SCN3A: variants seen among roughly 807,000 people sequenced by gnomAD.
SCN3A encodes sodium channel protein type 3 subunit alpha.
In SCN3A, 60 loss-of-function variants were observed where a neutral mutation model predicts 187.6. The ratio of observed to expected loss-of-function variants is 0.32; its 90% CI spans 0.26 to 0.40. The LOEUF is 0.40. Ranked by LOEUF, SCN3A falls within the 10% of genes least tolerant of loss-of-function variation. SCN3A has a pLI of 1.00. For missense variants in SCN3A, 1,601 were observed against 2,428.2 expected (o/e 0.66, Z 7.16); for synonymous variants, 788 against 829.2 (o/e 0.95, Z 0.85).
At chr2:165,147,880 A>G (rs775445522) in intron 11 of SCN3A, among the ~76,000 whole-genome samples, 10 of 152,190 alleles carry the variant, frequency 6.6e-5, no homozygotes, top group Non-Finnish European at 1.3e-4. Context: ...TGATCTAACA[A>G]TGACATACAG....
intron 9 of SCN3A, among the ~76,000 whole-genome samples, chr2:165,156,842 G>A (rs113484538): frequency 0.032 from 4,883 of 152,008 alleles, 253 homozygotes; most frequent in African/African-American, 0.1. Context: ...GCGAGCCACC[G>A]CACCCAGCCT....
At chr2:165,183,310 A>G (rs193211123) in intron 2 of SCN3A, among the ~76,000 whole-genome samples, 1 of 152,350 alleles carries the variant, frequency 6.6e-6, no homozygotes, top group East Asian at 1.9e-4. Flanking sequence ...AACACAAATT[A>G]TGACCTTTTC....
At chr2:165,167,120 C>G (rs1260341365) in intron 5 of SCN3A, among the ~76,000 whole-genome samples, 2 of 152,100 alleles carry the variant, frequency 1.3e-5, no homozygotes, top group East Asian at 3.9e-4. Flanking sequence ...AGGCTGGTCA[C>G]AAACTCCAAC....
intron 4 of SCN3A, 83 bp from the exon 5 acceptor site, chr2:165,168,908 A>G (rs1689941220): frequency 2.3e-6 from 2 of 876,450 alleles, no homozygotes; most frequent in Non-Finnish European, 3.8e-6. Context: ...AAGTTTATCG[A>G]TGCAAAAACT....
At chr2:165,201,848 A>G (rs1692341928) in intron 1 of SCN3A, among the ~76,000 whole-genome samples, 1 of 152,214 alleles carries the variant, frequency 6.6e-6, no homozygotes, top group East Asian at 1.9e-4. Context: ...TGAGAAACCA[A>G]CTGAAGAAAA....
At chr2:165,109,535 G>A (rs1311907800) in intron 21 of SCN3A, among the ~76,000 whole-genome samples, 1 of 151,984 alleles carries the variant, frequency 6.6e-6, no homozygotes, top group Non-Finnish European at 1.5e-5. Flanking sequence ...TTTGTTCACG[G>A]TGAAAGAAAA....
At chr2:165,138,632 C>T (rs1687811156) in intron 14 of SCN3A, among the ~76,000 whole-genome samples, 1 of 152,054 alleles carries the variant, frequency 6.6e-6, no homozygotes, top group Non-Finnish European at 1.5e-5. Flanking sequence ...AATTCAGACT[C>T]AAATCTACTT....
In SCN3A at chr2:165,092,297, G is replaced by C. The variant is rs564019672; in HGVS notation, c.4764C>G (p.Gly1588=). ...VSLRHYYFTI[G]WNIFDFVVVI... is the part of the protein sequence containing the mutation. Reference sequence around the variant, plus strand: ...CCACCACAAAGTCAAAGATGTTCCAGCCTATAGTGAAGTAGTAGTGTCTGA... The same window carrying C: ...CCACCACAAAGTCAAAGATGTTCCACCCTATAGTGAAGTAGTAGTGTCTGA... The change falls in exon 27 of 28, where the codon GGC becomes GGG. Residue 1588 remains glycine (G), a synonymous_variant. Coordinates refer to ENST00000283254, the MANE Select transcript of SCN3A (RefSeq NM_006922.4). The surrounding 1 kb of genome is among the most constrained non-coding windows in gnomAD (Gnocchi z 4.2). 5.0e-5 allele frequency: 80 copies of C among 1,613,946 alleles called. No individual in the cohort carries two copies. In the South Asian group the frequency reaches 7.6e-4, roughly 15 times the overall value.
intron 3 of SCN3A, among the ~76,000 whole-genome samples, chr2:165,171,842 T>C (rs1690120505): frequency 6.6e-6 from 1 of 152,138 alleles, no homozygotes. Flanking sequence ...AAAGAGCTTG[T>C]AATCTACTTT....
intron 1 of SCN3A, chr2:165,194,937 G>C (rs1476357886): frequency 2.6e-5 from 4 of 152,018 alleles, no homozygotes; most frequent in Non-Finnish European, 5.9e-5. Context: ...GCAAAGGACT[G>C]TGTGCACTGC....
At position 165,115,562 on chromosome 2, in the gene SCN3A, G is replaced by T; in HGVS notation, c.3407C>A (p.Thr1136Asn). The T allele has an allele frequency of 6.2e-7, 1 of 1,613,280 alleles. No individual in the cohort carries two copies. The highest frequency in any genetic ancestry group is 8.5e-7 in the Non-Finnish European group (1 of 1,179,748). ...LEESKEKLNA[T>N]SSSEGSTVDV... ...AACTGTGCTTCCTTCAGATGAGCTG[G>T]TTGCATTTAATTTCTGGAAACAAAA... Residue 1136 changes from threonine to asparagine, a missense_variant, in exon 19 of 28, where the codon ACC becomes AAC. Transcript: ENST00000283254.
chr2:165,111,811 A>G (rs1686133394), intron 21 of SCN3A, among the ~76,000 whole-genome samples: 1 of 152,158 alleles, frequency 6.6e-6, no homozygotes, highest in African/African-American at 2.4e-5. Context: ...ATTCATCTCT[A>G]TTATTAATGA....
At chr2:165,117,466 A>G (rs1686425547) in intron 18 of SCN3A, among the ~76,000 whole-genome samples, 1 of 152,126 alleles carries the variant, frequency 6.6e-6, no homozygotes, top group South Asian at 2.1e-4. Context: ...ATTCTCATAA[A>G]TATATGTACA....
At chr2:165,184,500 GAA>G (rs66514310) in intron 2 of SCN3A, among the ~76,000 whole-genome samples, 3,960 of 105,584 alleles carry the variant, frequency 0.038, 148 homozygotes, top group African/African-American at 0.11. Flanking sequence ...AAAAAAAAAA[GAA>G]AAAAAAAAAA....
chr2:165,128,669 C>T (rs988276605), intron 17 of SCN3A, among the ~76,000 whole-genome samples: 5 of 152,210 alleles, frequency 3.3e-5, no homozygotes, highest in Non-Finnish European at 7.3e-5. Flanking sequence ...CGATTTAACA[C>T]GTTTCCCATC....
At chr2:165,129,363 A>G (rs1450701101) in intron 17 of SCN3A, among the ~76,000 whole-genome samples, 1 of 152,258 alleles carries the variant, frequency 6.6e-6, no homozygotes, top group Non-Finnish European at 1.5e-5. Flanking sequence ...TGGTTTTCCT[A>G]TAGTAATGCA....
intron 3 of SCN3A, among the ~76,000 whole-genome samples, chr2:165,173,300 G>A (rs990086280): frequency 6.6e-6 from 1 of 152,082 alleles, no homozygotes; most frequent in African/African-American, 2.4e-5. Context: ...TAGTGGTTAA[G>A]AGCTCTGGCT....
rs10185474 is a variant in SCN3A at position 165,201,774 on chromosome 2, C to T, written c.-248+2049G>A. The stretch of plus-strand genomic sequence containing the variant: ...CCCTATTTCTCTATTTTACCACTTT[C>T]ATGTTTAGCACATCAATCATAATTT... On this transcript the variant is annotated intron_variant, in intron 1 of 27. Coordinates refer to ENST00000283254, the MANE Select transcript of SCN3A (RefSeq NM_006922.4). Among the ~76,000 whole-genome samples, 1,463 of 152,138 alleles carry T rather than the reference C, an allele frequency of 9.6e-3. 23 individuals are homozygous for T. Among genetic ancestry groups the T allele is most frequent in the African/African-American group, 0.034 (1,399 of 41,530 alleles).
rs1686185498 is a variant in SCN3A at position 165,112,822 on chromosome 2, A to G, written c.3843+63T>C. The G allele has an allele frequency of 2.9e-6, 4 of 1,396,670 alleles. No individual in the cohort carries two copies. The Admixed American group carries it at 5.1e-5, about 18-fold the overall frequency. The allele number at this position is 1,396,670 out of a possible 1,614,324, so 86.5% of individuals were successfully genotyped here. ...TAGTGAAAGTTTTAATAACAGAAAC[A>G]TATGAAATGTCAAACTTGCCTCTTT... On this transcript the variant is annotated intron_variant, in intron 21 of 27. Transcript: ENST00000283254.
Sources: gnomAD v4.1 joint callset for allele counts (sites outside exome capture counted in the v4.1 genomes callset) on GRCh38, gnomAD v4.1.1 for gene constraint, Gnocchi (gnomAD v3.1) non-coding constraint, MANE v1.5 for transcripts, NCBI Gene and HGNC (gene_info 2026-07-23, HGNC 2026-07-21) for gene names.